The following NXPE1 variants were observed in gnomAD, a reference collection of about 807,000 sequenced individuals.
NXPE1 encodes the protein NXPE family member 1.
NXPE1 carries 31 observed loss-of-function variants against 33.3 expected under a neutral mutation model. The observed-to-expected ratio is 0.93, with a 90% CI of 0.70 to 1.26. The LOEUF is 1.26. NXPE1 is among the 50% of genes most tolerant of loss of function. The probability of loss-of-function intolerance (pLI) is 0.00; values close to 1 mark genes in which losing one functional copy is unlikely to be tolerated. For missense variants in NXPE1, 661 were observed against 655.6 expected, an observed-to-expected ratio of 1.01 and a Z score of -0.09; for synonymous variants, 229 against 231.4, an observed-to-expected ratio of 0.99 and a Z score of 0.09.
At chr11:114,519,126 C>T (rs764239266), downstream of NXPE1, among the ~76,000 whole-genome samples, 10 of 152,234 alleles carry the variant, frequency 6.6e-5, no homozygotes, top group East Asian at 1.9e-4. Context: ...CAGCCACACA[C>T]GTTTTATGAG....
intron 7 of NXPE1, among the ~76,000 whole-genome samples, chr11:114,525,671 C>T (rs551878797): frequency 3.3e-5 from 5 of 152,344 alleles, no homozygotes; most frequent in African/African-American, 1.2e-4. Context: ...TGAGTTGCAA[C>T]ACCTGGCTTG....
At chr11:114,534,900 G>A (rs1947738891) in intron 5 of NXPE1, among the ~76,000 whole-genome samples, 1 of 152,192 alleles carries the variant, frequency 6.6e-6, no homozygotes, top group Non-Finnish European at 1.5e-5. Context: ...AGCAAGGCAG[G>A]CCAACATTCA....
exon 7 of NXPE1, chr11:114,527,875 T>A (rs1555041464): frequency 1.2e-6 from 2 of 1,605,090 alleles, no homozygotes; most frequent in Non-Finnish European, 1.7e-6. Flanking sequence ...TTTACGATCC[T>A]TCATCATTTC....
intron 1 of NXPE1, among the ~76,000 whole-genome samples, chr11:114,559,572 C>T (rs1948730485): frequency 2.0e-5 from 3 of 151,854 alleles, no homozygotes; most frequent in Admixed American, 2.0e-4. Context: ...CCGTCAAAAC[C>T]AGCCTATCCT....
chr11:114,523,025 A>G (rs758013670), exon 8 of NXPE1: 1 of 1,613,672 alleles, frequency 6.2e-7, no homozygotes, highest in Non-Finnish European at 8.5e-7. Flanking sequence ...TTTTCCTTGT[A>G]AAGTATAACC....
At chr11:114,556,446 G>C (rs1004275116) in intron 1 of NXPE1, among the ~76,000 whole-genome samples, 1 of 152,010 alleles carries the variant, frequency 6.6e-6, no homozygotes, top group African/African-American at 2.4e-5. Flanking sequence ...TTCTTCTAAG[G>C]CCTTTCTCCT....
intron 8 of NXPE1, 115 bp downstream of exon 8, chr11:114,522,764 C>A (rs953124107): frequency 4.0e-6 from 3 of 741,128 alleles, no homozygotes; most frequent in African/African-American, 1.8e-5. Flanking sequence ...AGGTTCAAAT[C>A]CAGAGAGCCA....
chr11:114,554,353 G>A (rs1948600544), intron 1 of NXPE1: 1 of 985,120 alleles, frequency 1.0e-6, no homozygotes, highest in African/African-American at 1.7e-5. Flanking sequence ...TTGTGTAAAT[G>A]AGAGGGGGCA....
rs75919843 is a variant in NXPE1 at position 114,553,495 on chromosome 11, C to T, written c.-210-615G>A. On this transcript the variant is annotated intron_variant, in intron 1 of 8. Transcript: ENST00000534921. ...GTGGCCAGAGAGCTTCTTTGTCAGA[C>T]GGAATTTTACTGATGGCAGAGTTTT... is the stretch of plus-strand genomic sequence containing the variant. Among the ~76,000 whole-genome samples, 1,071 of 152,240 alleles carry T rather than the reference C, an allele frequency of 7.0e-3. 16 individuals are homozygous for T. Among genetic ancestry groups the T allele is most frequent in the African/African-American group, 0.022 (904 of 41,548 alleles).
intron 5 of NXPE1, among the ~76,000 whole-genome samples, chr11:114,543,271 G>A (rs1029966203): frequency 6.6e-6 from 1 of 151,660 alleles, no homozygotes; most frequent in South Asian, 2.1e-4. Context: ...CAGGAGAATT[G>A]CTTGAACCTG....
At position 114,553,280 on chromosome 11, in the gene NXPE1, T is replaced by C. The variant is rs192433942; in HGVS notation, c.-210-400A>G. On this transcript the variant is annotated intron_variant, in intron 1 of 8. Coordinates refer to ENST00000534921, the Ensembl canonical transcript of NXPE1. ...GCCTTCATTAGACTGATGGACATTC[T>C]AGAGGAGATTCCCTCGGAGAGTCCC... 4.1e-3 allele frequency among the ~76,000 whole-genome samples: 625 copies of C among 152,340 alleles called. 2 individuals are homozygous for C. The highest frequency in any genetic ancestry group is 6.8e-3 in the Middle Eastern group (2 of 294).
intron 5 of NXPE1, among the ~76,000 whole-genome samples, chr11:114,538,150 A>G (rs1947919816): frequency 6.6e-6 from 1 of 152,336 alleles, no homozygotes; most frequent in Admixed American, 6.5e-5. Context: ...CTGATCTTTG[A>G]CAAACCTGAC....
At position 114,551,443 on chromosome 11, in the gene NXPE1, T is replaced by A. The variant is rs1261068269; in HGVS notation, c.-69-2A>T. The stretch of plus-strand genomic sequence containing the variant: ...TTGTTGCTTCCTCCTTCCAGGACCC[T>A]GAAATGGAAGTCAAAGTCACCTTAT... On this transcript the variant is annotated splice_acceptor_variant, in intron 3 of 8. Coordinates refer to ENST00000534921, the Ensembl canonical transcript of NXPE1. LOFTEE classifies it low-confidence loss of function (5UTR_SPLICE). The A allele has an allele frequency of 8.0e-7, 1 of 1,246,972 alleles. No individual in the cohort carries two copies. The highest frequency in any genetic ancestry group is 1.0e-6 in the Non-Finnish European group (1 of 994,638). The allele number at this position is 1,246,972 out of a possible 1,614,324, so 77.2% of individuals were successfully genotyped here.
chr11:114,544,777 C>T (rs2135071652), intron 5 of NXPE1, among the ~76,000 whole-genome samples: 1 of 152,152 alleles, frequency 6.6e-6, no homozygotes, highest in South Asian at 2.1e-4. Flanking sequence ...TAAGAGGATG[C>T]AGAGATAAGC....
At chr11:114,553,939 G>T (rs1948588486) in intron 1 of NXPE1, 1 of 985,054 alleles carries the variant, frequency 1.0e-6, no homozygotes, top group Non-Finnish European at 1.2e-6. Context: ...TTGTTTTCTG[G>T]GAGAGCAGGT....
intron 5 of NXPE1, among the ~76,000 whole-genome samples, chr11:114,539,346 A>G (rs1947993266): frequency 6.6e-6 from 1 of 152,086 alleles, no homozygotes; most frequent in Non-Finnish European, 1.5e-5. Flanking sequence ...TGACGAGTTA[A>G]TGGGTGCAGC....
At chr11:114,549,618 G>A (rs1348638612) in intron 5 of NXPE1, among the ~76,000 whole-genome samples, 2 of 151,918 alleles carry the variant, frequency 1.3e-5, no homozygotes, top group Admixed American at 6.6e-5. Flanking sequence ...TAACTCAAAA[G>A]CTTGCATTTT....
intron 5 of NXPE1, among the ~76,000 whole-genome samples, chr11:114,549,521 G>A (rs1040235146): frequency 6.6e-6 from 1 of 151,908 alleles, no homozygotes; most frequent in African/African-American, 2.4e-5. Flanking sequence ...AGCACAATAG[G>A]ACTTTGACAA....
At chr11:114,552,198 C>T (rs1346327671) in intron 2 of NXPE1, 113 bp from the exon 3 acceptor site, 1 of 152,244 alleles carries the variant, frequency 6.6e-6, no homozygotes, top group East Asian at 1.9e-4. Context: ...AGTTGCAACT[C>T]ATATTGAATC....
Sources: allele counts gnomAD v4.1 joint callset (sites outside exome capture counted in the v4.1 genomes callset), GRCh38; gene constraint gnomAD v4.1.1; transcripts MANE v1.5; gene names NCBI Gene and HGNC (gene_info 2026-07-23, HGNC 2026-07-21).